Variants in SPON1 observed in about 807,000 individuals in gnomAD.
SPON1 encodes the protein spondin 1.
A neutral mutation model predicts 111.7 loss-of-function variants in SPON1; 52 were observed. That is an observed-to-expected ratio of 0.47 (90% CI 0.37 to 0.59). The LOEUF is 0.59. Among genes scored for constraint, SPON1 ranks in the 20% least tolerant of loss-of-function variants. The probability of loss-of-function intolerance (pLI) is 0.00; values close to 1 mark genes in which losing one functional copy is unlikely to be tolerated. For synonymous variants in SPON1, 410 were observed against 395.8 expected (o/e 1.04, Z -0.43); for missense variants, 957 against 1,068.5 (o/e 0.90, Z 1.46).
rs782455805 is a variant in SPON1, at chr11:14,266,748, G to A, written c.*1061G>A. ...TTATATGCAGAGAGAAAAAGTTACC[G>A]AGACAGAAAACAAATCTAAGGGAAA... On this transcript the variant is annotated 3_prime_UTR_variant, in exon 16 of 16. Coordinates refer to ENST00000576479, the MANE Select transcript of SPON1 (RefSeq NM_006108.4). 6.6e-6 allele frequency: 1 copy of A among 152,040 alleles called. No individual in the cohort carries two copies. Among genetic ancestry groups the A allele is most frequent in the African/African-American group, 2.4e-5 (1 of 41,380 alleles). 9.4% of individuals were successfully genotyped at this position (152,040 alleles called of 1,614,324 possible). A position where few individuals can be genotyped will look rare whatever the true frequency, so the allele number is the denominator to read the frequency against.
At chr11:14,189,645 C>T (rs901539397) in intron 6 of SPON1, among the ~76,000 whole-genome samples, 34 of 152,178 alleles carry the variant, frequency 2.2e-4, no homozygotes, top group African/African-American at 7.7e-4. Context: ...CAACGCAGTT[C>T]GCTGTGCCCT....
In SPON1 at chr11:14,088,990, G is replaced by A. The variant is rs140423333; in HGVS notation, c.676+8969G>A. Among the ~76,000 whole-genome samples the A allele has an allele frequency of 6.3e-3, 954 of 151,828 alleles. 12 individuals carry two copies. The highest frequency in any genetic ancestry group is 0.022 in the African/African-American group (901 of 41,376). On this transcript the variant is annotated intron_variant, in intron 5 of 15. Transcript: ENST00000576479. The stretch of plus-strand genomic sequence containing the variant: ...TTTTCAGCTCCATCAGGTCATTTAT[G>A]TTCTTCTCTAAACTGGTTATTCTAG...
At chr11:14,212,262 A>G (rs1848584627) in intron 6 of SPON1, among the ~76,000 whole-genome samples, 1 of 152,180 alleles carries the variant, frequency 6.6e-6, no homozygotes, top group Non-Finnish European at 1.5e-5. Flanking sequence ...GCTTGGAGGA[A>G]TCCATTAGAT....
chr11:14,160,527 A>T (rs1456362003), intron 6 of SPON1, among the ~76,000 whole-genome samples: 5 of 7,106 alleles, frequency 7.0e-4, no homozygotes, highest in Non-Finnish European at 1.0e-3. Context: ...ATATTTACAT[A>T]TATATATTTA....
At chr11:14,089,749 C>T (rs1343957836) in intron 5 of SPON1, among the ~76,000 whole-genome samples, 1 of 152,194 alleles carries the variant, frequency 6.6e-6, no homozygotes, top group Non-Finnish European at 1.5e-5. Flanking sequence ...GCTGGGCCCA[C>T]AGCCACCCCT....
At chr11:14,081,624 T>C (rs1425972038) in intron 5 of SPON1, among the ~76,000 whole-genome samples, 3 of 152,114 alleles carry the variant, frequency 2.0e-5, no homozygotes, top group Non-Finnish European at 4.4e-5. Context: ...CTGAGCCTGT[T>C]TTTTTCTGTT....
At chr11:14,101,186 G>A (rs1242425758) in intron 5 of SPON1, among the ~76,000 whole-genome samples, 2 of 151,888 alleles carry the variant, frequency 1.3e-5, no homozygotes, top group Non-Finnish European at 2.9e-5. Flanking sequence ...GATCACCCAA[G>A]GTCAGGAGTT....
At chr11:14,140,340 C>G (rs1160426343) in intron 6 of SPON1, among the ~76,000 whole-genome samples, 2 of 152,202 alleles carry the variant, frequency 1.3e-5, no homozygotes, top group Non-Finnish European at 2.9e-5. Context: ...AACTTGCTCT[C>G]TCAGTGACAT....
At position 14,070,281 on chromosome 11, in the gene SPON1, A is replaced by G. The variant is rs547214605; in HGVS notation, c.480-5064A>G. Among the ~76,000 whole-genome samples, 10 of 152,320 alleles carry G rather than the reference A, an allele frequency of 6.6e-5. No homozygotes were observed. In the South Asian group the frequency reaches 2.1e-3, roughly 32 times the overall value. On this transcript the variant is annotated intron_variant, in intron 3 of 15. Coordinates refer to ENST00000576479, the MANE Select transcript of SPON1 (RefSeq NM_006108.4). Reference sequence around the variant, plus strand: ...TTATAAAGTATTTCAAGAAATATTCAGTAATAAGGATTTTACTGGAATTGG... The same window carrying G: ...TTATAAAGTATTTCAAGAAATATTCGGTAATAAGGATTTTACTGGAATTGG...
chr11:14,255,055 C>T (rs1554941053), intron 8 of SPON1, among the ~76,000 whole-genome samples: 1 of 152,172 alleles, frequency 6.6e-6, no homozygotes, highest in East Asian at 1.9e-4. Flanking sequence ...TGTCATATTT[C>T]TCTGATATGA....
intron 5 of SPON1, among the ~76,000 whole-genome samples, chr11:14,128,132 A>G (rs1847482439): frequency 1.3e-5 from 2 of 152,174 alleles, no homozygotes; most frequent in Admixed American, 1.3e-4. Flanking sequence ...TCTTTCTCAC[A>G]TTTCAAAACA....
chr11:14,110,502 C>T (rs1849219375), intron 5 of SPON1, among the ~76,000 whole-genome samples: 1 of 152,094 alleles, frequency 6.6e-6, no homozygotes, highest in Admixed American at 6.5e-5. Flanking sequence ...CACACAATTA[C>T]AAGATGAAGT....
chr11:13,994,666 C>T (rs1056868521), intron 2 of SPON1, among the ~76,000 whole-genome samples: 11 of 152,162 alleles, frequency 7.2e-5, no homozygotes, highest in South Asian at 4.1e-4. Flanking sequence ...ACCAATTGCA[C>T]GAGTACAAGA....
At chr11:14,075,277 C>CT in intron 3 of SPON1, 68 bp from the exon 4 acceptor site, 1 of 1,225,926 alleles carries the variant, frequency 8.2e-7, no homozygotes, top group South Asian at 1.3e-5. Flanking sequence ...GGGACTATGT[C>CT]TGACTGATCT....
intron 6 of SPON1, among the ~76,000 whole-genome samples, chr11:14,209,685 A>T (rs1369014519): frequency 6.6e-6 from 1 of 152,184 alleles, no homozygotes; most frequent in African/African-American, 2.4e-5. Flanking sequence ...GGTTGGTTCC[A>T]AGTCTTTGCT....
intron 1 of SPON1, among the ~76,000 whole-genome samples, chr11:13,969,347 G>C (rs1053512528): frequency 6.6e-6 from 1 of 152,070 alleles, no homozygotes; most frequent in Non-Finnish European, 1.5e-5. Flanking sequence ...GATTGTGCCA[G>C]TGCACCCAGC....
intron 6 of SPON1, among the ~76,000 whole-genome samples, chr11:14,235,196 G>A (rs1342864175): frequency 6.6e-6 from 1 of 152,162 alleles, no homozygotes; most frequent in Admixed American, 6.5e-5. Flanking sequence ...TAGGTCCAGG[G>A]AGTGCCCACG....
intron 5 of SPON1, among the ~76,000 whole-genome samples, chr11:14,118,816 A>T (rs1554926226): frequency 6.6e-6 from 1 of 152,180 alleles, no homozygotes; most frequent in African/African-American, 2.4e-5. Flanking sequence ...AGGTTGGCAG[A>T]TCAATGGCAA....
intron 2 of SPON1, among the ~76,000 whole-genome samples, chr11:14,028,588 T>A (rs572094422): frequency 6.6e-6 from 1 of 152,266 alleles, no homozygotes; most frequent in Non-Finnish European, 1.5e-5. Flanking sequence ...TCCCACTTAT[T>A]CAGTGTATAT....
Sources: gnomAD v4.1 joint callset for allele counts (sites outside exome capture counted in the v4.1 genomes callset) on GRCh38, gnomAD v4.1.1 for gene constraint, MANE v1.5 for transcripts, NCBI Gene and HGNC (gene_info 2026-07-23, HGNC 2026-07-21) for gene names.